The following FBXL17 variants were observed in gnomAD, a reference collection of about 807,000 sequenced individuals.
FBXL17 encodes F-box and leucine rich repeat protein 17.
Under a neutral mutation model 66.2 loss-of-function variants are expected in FBXL17, and 22 were observed. The ratio of observed to expected loss-of-function variants is 0.33; its 90% CI spans 0.24 to 0.47. The LOEUF (loss-of-function observed/expected upper bound fraction) is 0.47. Among genes scored for constraint, FBXL17 ranks in the 20% least tolerant of loss-of-function variants. The probability of loss-of-function intolerance (pLI) is 1.00; values close to 1 mark genes in which losing one functional copy is unlikely to be tolerated. For missense variants in FBXL17, 878 were observed against 948.2 expected (o/e 0.93, Z 0.97); for synonymous variants, 474 against 400.5 (o/e 1.18, Z -2.19).
At chr5:108,358,217 A>C (rs546222432) in intron 3 of FBXL17, among the ~76,000 whole-genome samples, 3 of 152,254 alleles carry the variant, frequency 2.0e-5, no homozygotes, top group Non-Finnish European at 4.4e-5. Context: ...GCACAATGTA[A>C]AACAGGATTG....
intron 6 of FBXL17, among the ~76,000 whole-genome samples, chr5:108,081,464 G>A (rs1226652835): frequency 6.6e-6 from 1 of 152,116 alleles, no homozygotes; most frequent in Non-Finnish European, 1.5e-5. Context: ...GCTCAAGCCT[G>A]TAATCCCAGC....
intron 7 of FBXL17, among the ~76,000 whole-genome samples, chr5:107,994,871 A>G (rs1244385039): frequency 1.3e-5 from 2 of 152,056 alleles, no homozygotes; most frequent in African/African-American, 4.8e-5. Context: ...AAACACCTAT[A>G]CAGATATTTC....
rs1324468657 is a variant in FBXL17, at chr5:107,884,706, T to C, written c.1823-3527A>G. 3.9e-5 allele frequency among the ~76,000 whole-genome samples: 6 copies of C among 152,352 alleles called. No homozygotes were observed. In the South Asian group the frequency reaches 8.3e-4, roughly 21 times the overall value. On this transcript the variant is annotated intron_variant, in intron 7 of 8. Coordinates refer to ENST00000542267, the MANE Select transcript of FBXL17 (RefSeq NM_001163315.3). ...GGTTCTAGCCTTACTACCTAGTAGA[T>C]GTTTGACATCGGGATCACATTTAAC... is the stretch of plus-strand genomic sequence containing the variant.
intron 6 of FBXL17, among the ~76,000 whole-genome samples, chr5:108,040,337 C>T (rs1163510323): frequency 6.6e-6 from 1 of 152,066 alleles, no homozygotes; most frequent in Non-Finnish European, 1.5e-5. Context: ...TTAGCAAAAC[C>T]ATTCTAGAGT....
intron 6 of FBXL17, among the ~76,000 whole-genome samples, chr5:108,078,457 T>G (rs1047357011): frequency 1.3e-5 from 2 of 152,194 alleles, no homozygotes; most frequent in African/African-American, 4.8e-5. Flanking sequence ...TTGAGATGAC[T>G]GTCAGAAAGC....
intron 4 of FBXL17, among the ~76,000 whole-genome samples, chr5:108,289,971 C>A (rs1215475851): frequency 2.0e-5 from 3 of 152,088 alleles, no homozygotes; most frequent in Non-Finnish European, 4.4e-5. Flanking sequence ...CAAAAACGCA[C>A]AAATAAATGC....
In FBXL17 at chr5:108,224,930, T is replaced by A. The variant is rs529444490; in HGVS notation, c.1507-702A>T. ...GGGGTAAGCAATCACACCCAACCAA[T>A]ATATATTTTTTTATTGACATTTAAT... On this transcript the variant is annotated intron_variant, in intron 4 of 8. Transcript: ENST00000542267. Among the ~76,000 whole-genome samples the A allele has an allele frequency of 1.5e-4, 23 of 152,162 alleles. No individual in the cohort carries two copies. The Middle Eastern group carries it at 0.01, about 68-fold the overall frequency.
chr5:108,055,096 T>A (rs989406036), intron 6 of FBXL17, among the ~76,000 whole-genome samples: 3 of 152,042 alleles, frequency 2.0e-5, no homozygotes, highest in African/African-American at 7.2e-5. Context: ...ATTTTTCATC[T>A]TCAATAAAAT....
At chr5:108,027,051 T>C (rs892445993) in intron 6 of FBXL17, among the ~76,000 whole-genome samples, 1 of 152,152 alleles carries the variant, frequency 6.6e-6, no homozygotes, top group African/African-American at 2.4e-5. Context: ...AGAACAGGAT[T>C]TAGCAATGAA....
intron 7 of FBXL17, among the ~76,000 whole-genome samples, chr5:108,019,110 A>C (rs1415685394): frequency 6.6e-6 from 1 of 152,172 alleles, no homozygotes; most frequent in Non-Finnish European, 1.5e-5. Flanking sequence ...CCTGTAGAAA[A>C]ACAACACTTA....
intron 6 of FBXL17, among the ~76,000 whole-genome samples, chr5:108,053,350 G>GAA (rs935264017): frequency 6.6e-6 from 1 of 151,188 alleles, no homozygotes; most frequent in East Asian, 2.0e-4. Context: ...AAATTTACAA[G>GAA]AAAAAAAACA....
chr5:108,078,964 T>C (rs1375599215), intron 6 of FBXL17, among the ~76,000 whole-genome samples: 1 of 152,132 alleles, frequency 6.6e-6, no homozygotes, highest in Non-Finnish European at 1.5e-5. Context: ...TGCAGTGCAG[T>C]GGCACAATCA....
intron 4 of FBXL17, among the ~76,000 whole-genome samples, chr5:108,252,511 T>C (rs1488398554): frequency 1.3e-5 from 2 of 152,124 alleles, no homozygotes. Context: ...ATTTTCAAAT[T>C]GCTTCTAAAA....
At position 107,912,406 on chromosome 5, in the gene FBXL17, A is replaced by G. The variant is rs561136582; in HGVS notation, c.1823-31227T>C. ...TATTTATTATAGTGAAAAATGAAGA[A>G]GAGCTTAATGTTTACCAACATGGGA... On this transcript the variant is annotated intron_variant, in intron 7 of 8. Coordinates refer to ENST00000542267, the MANE Select transcript of FBXL17 (RefSeq NM_001163315.3). 3.5e-4 allele frequency among the ~76,000 whole-genome samples: 53 copies of G among 152,116 alleles called. 1 individual carries two copies. The highest frequency in any genetic ancestry group is 1.1e-3 in the Admixed American group (17 of 15,240).
intron 5 of FBXL17, among the ~76,000 whole-genome samples, chr5:108,207,581 T>C (rs1280779065): frequency 6.6e-6 from 1 of 152,102 alleles, no homozygotes; most frequent in African/African-American, 2.4e-5. Flanking sequence ...CATGCAGTGA[T>C]TGGTTTTCTT....
intron 7 of FBXL17, among the ~76,000 whole-genome samples, chr5:107,980,207 G>A (rs1325496664): frequency 6.6e-6 from 1 of 152,018 alleles, no homozygotes; most frequent in East Asian, 1.9e-4. Context: ...AAAGTGGCAA[G>A]GCACCTAGAA....
At chr5:107,918,648 A>G (rs77643620) in intron 7 of FBXL17, among the ~76,000 whole-genome samples, 1 of 152,358 alleles carries the variant, frequency 6.6e-6, no homozygotes, top group African/African-American at 2.4e-5. Context: ...ATATATATCA[A>G]TATCAGTATC....
intron 7 of FBXL17, among the ~76,000 whole-genome samples, chr5:107,955,852 G>C (rs1473027843): frequency 1.3e-5 from 2 of 152,100 alleles, no homozygotes; most frequent in African/African-American, 2.4e-5. Context: ...GGCTAAAAGT[G>C]TCAAGAGAAA....
chr5:108,102,915 T>A (rs1447764852), intron 6 of FBXL17, among the ~76,000 whole-genome samples: 1 of 152,218 alleles, frequency 6.6e-6, no homozygotes, highest in Non-Finnish European at 1.5e-5. Flanking sequence ...TAACATTTAT[T>A]ATTCTAAACA....
Sources: gnomAD v4.1 joint callset for allele counts (sites outside exome capture counted in the v4.1 genomes callset) on GRCh38, gnomAD v4.1.1 for gene constraint, MANE v1.5 for transcripts, NCBI Gene and HGNC (gene_info 2026-07-23, HGNC 2026-07-21) for gene names.